Variants in CDH13 observed in about 807,000 individuals in gnomAD.
CDH13 encodes the protein cadherin 13, also known as cadherin-13.
CDH13 carries 24 observed loss-of-function variants against 63.8 expected under a neutral mutation model. The ratio of observed to expected loss-of-function variants is 0.38; its 90% CI spans 0.27 to 0.53. The LOEUF (loss-of-function observed/expected upper bound fraction) is 0.53. Ranked by LOEUF, CDH13 falls within the 20% of genes least tolerant of loss-of-function variation. The pLI is 0.85. For synonymous variants in CDH13, 503 were observed against 355.3 expected (o/e 1.42, Z -4.67); for missense variants, 1,049 against 903.1 (o/e 1.16, Z -2.07).
At chr16:82,837,729 T>A (rs1056117787) in intron 1 of CDH13, among the ~76,000 whole-genome samples, 3 of 152,144 alleles carry the variant, frequency 2.0e-5, no homozygotes, top group African/African-American at 7.2e-5. Context: ...TACTGGGAGC[T>A]CATCGAGCTG....
chr16:83,039,893 G>T (rs918113012), intron 3 of CDH13, among the ~76,000 whole-genome samples: 1 of 152,082 alleles, frequency 6.6e-6, no homozygotes, highest in Non-Finnish European at 1.5e-5. Context: ...TGATGCTTCA[G>T]AACCAGCCAA....
At chr16:83,196,624 A>G (rs1334424026) in intron 4 of CDH13, among the ~76,000 whole-genome samples, 3 of 152,240 alleles carry the variant, frequency 2.0e-5, no homozygotes, top group African/African-American at 7.2e-5. Context: ...GGAAATTGAC[A>G]AAAGACATAA....
chr16:83,158,434 G>A (rs952967667), intron 4 of CDH13, among the ~76,000 whole-genome samples: 14 of 152,100 alleles, frequency 9.2e-5, no homozygotes, highest in Non-Finnish European at 1.3e-4. Flanking sequence ...CACAGGGCCC[G>A]GTGGAGGCTG....
intron 3 of CDH13, among the ~76,000 whole-genome samples, chr16:83,076,636 C>CAG (rs2032864793): frequency 7.5e-6 from 1 of 133,604 alleles, no homozygotes; most frequent in African/African-American, 2.9e-5. Flanking sequence ...ATATACACAT[C>CAG]ACACACACAC....
At chr16:83,507,451 C>A (rs1489243538) in intron 7 of CDH13, among the ~76,000 whole-genome samples, 3 of 152,172 alleles carry the variant, frequency 2.0e-5, no homozygotes, top group Non-Finnish European at 4.4e-5. Flanking sequence ...AGACTAAGTT[C>A]TTTAAAGTAG....
intron 4 of CDH13, among the ~76,000 whole-genome samples, chr16:83,188,048 A>C (rs193193263): frequency 5.3e-5 from 8 of 152,304 alleles, no homozygotes; most frequent in African/African-American, 1.9e-4. Flanking sequence ...AGAGGGAGCA[A>C]GGGAATGTTA....
intron 6 of CDH13, among the ~76,000 whole-genome samples, chr16:83,471,109 G>A (rs562183545): frequency 6.6e-6 from 1 of 151,936 alleles, no homozygotes; most frequent in Middle Eastern, 3.4e-3. Context: ...CTCTTACAAG[G>A]ACCTTGTTGG....
At chr16:82,912,980 C>G (rs1172499224) in intron 2 of CDH13, among the ~76,000 whole-genome samples, 1 of 150,596 alleles carries the variant, frequency 6.6e-6, no homozygotes, top group African/African-American at 2.4e-5. Flanking sequence ...AAAATTGTGT[C>G]TTTTTCAACG....
In CDH13 at chr16:83,288,370, G is replaced by A. The variant is rs544770188; in HGVS notation, c.637-56492G>A. On this transcript the variant is annotated intron_variant, in intron 5 of 13. Transcript: ENST00000567109. Reference sequence around the variant, plus strand: ...CAAAGAGGTTAAATGACTAGCCCAAGGTCTACATGAGGTGGAGGAGGAGGG... The same window carrying A: ...CAAAGAGGTTAAATGACTAGCCCAAAGTCTACATGAGGTGGAGGAGGAGGG... 2.0e-5 allele frequency among the ~76,000 whole-genome samples: 3 copies of A among 152,298 alleles called. No individual in the cohort carries two copies. The East Asian group carries it at 5.8e-4, about 29-fold the overall frequency.
At chr16:82,926,860 T>C (rs2042318757) in intron 2 of CDH13, among the ~76,000 whole-genome samples, 1 of 152,216 alleles carries the variant, frequency 6.6e-6, no homozygotes, top group African/African-American at 2.4e-5. Flanking sequence ...ATGTGTTTTA[T>C]TCCAGTGTCC....
chr16:83,224,699 C>T lies in CDH13; in HGVS notation c.636+7202C>T, dbSNP rs2039792566. On this transcript the variant is annotated intron_variant, in intron 5 of 13. Transcript: ENST00000567109. ...AAAAAGAGGTGAACATTGGCAATTT[C>T]ATGGTTCATTCTAATACTCTGACAC... is the stretch of plus-strand genomic sequence containing the variant. Among the ~76,000 whole-genome samples, 4 of 152,208 alleles carry T rather than the reference C, an allele frequency of 2.6e-5. No homozygotes were observed. The South Asian group carries it at 6.2e-4, about 24-fold the overall frequency.
intron 10 of CDH13, among the ~76,000 whole-genome samples, chr16:83,714,533 T>A (rs1318365781): frequency 6.6e-6 from 1 of 152,202 alleles, no homozygotes; most frequent in Non-Finnish European, 1.5e-5. Flanking sequence ...TAACTAACCA[T>A]GTGATGCTTT....
chr16:83,147,764 A>G (rs1439641423), intron 4 of CDH13, among the ~76,000 whole-genome samples: 1 of 152,028 alleles, frequency 6.6e-6, no homozygotes, highest in Non-Finnish European at 1.5e-5. Context: ...CCACCTGAGT[A>G]TCTTCTTCCC....
At chr16:82,942,937 G>C (rs1304191245) in intron 2 of CDH13, among the ~76,000 whole-genome samples, 1 of 152,154 alleles carries the variant, frequency 6.6e-6, no homozygotes, top group East Asian at 1.9e-4. Flanking sequence ...TTCAGAGTCT[G>C]TGCTCTACCC....
chr16:83,278,255 T>C (rs2089054544), intron 5 of CDH13, among the ~76,000 whole-genome samples: 1 of 152,244 alleles, frequency 6.6e-6, no homozygotes, highest in Non-Finnish European at 1.5e-5. Context: ...GACTCCTTTA[T>C]CTCTCATTCC....
intron 4 of CDH13, among the ~76,000 whole-genome samples, chr16:83,203,285 A>C (rs528567059): frequency 2.0e-5 from 3 of 152,256 alleles, no homozygotes; most frequent in Non-Finnish European, 2.9e-5. Flanking sequence ...TATGTTCACT[A>C]TCTGTGTGAT....
chr16:83,577,697 A>T (rs1220376338), intron 7 of CDH13, among the ~76,000 whole-genome samples: 2 of 152,208 alleles, frequency 1.3e-5, no homozygotes, highest in African/African-American at 4.8e-5. Flanking sequence ...TCACCCTGTG[A>T]TGGATGCACC....
At chr16:83,055,320 A>C (rs561970792) in intron 3 of CDH13, among the ~76,000 whole-genome samples, 1 of 152,078 alleles carries the variant, frequency 6.6e-6, no homozygotes, top group African/African-American at 2.4e-5. Flanking sequence ...GGATAAGTCA[A>C]TAAAGTTTGT....
chr16:83,406,424 C>CCT (rs1188601737), intron 6 of CDH13, among the ~76,000 whole-genome samples: 1 of 135,524 alleles, frequency 7.4e-6, no homozygotes, highest in Non-Finnish European at 1.7e-5. Flanking sequence ...CTTTCCCCCC[C>CCT]CGCCTCTCTC....
Sources: allele counts gnomAD v4.1 joint callset (sites outside exome capture counted in the v4.1 genomes callset), GRCh38; gene constraint gnomAD v4.1.1; transcripts MANE v1.5; gene names NCBI Gene and HGNC (gene_info 2026-07-23, HGNC 2026-07-21).